Variants in CSMD1 observed in about 807,000 individuals in gnomAD.
CSMD1 encodes the protein CUB and Sushi multiple domains 1, also known as CUB and sushi domain-containing protein 1.
In CSMD1, 213 loss-of-function variants were observed where a neutral mutation model predicts 417.5. That is an observed-to-expected ratio of 0.51 (90% CI 0.46 to 0.57). The LOEUF (loss-of-function observed/expected upper bound fraction) is 0.57, where lower values mean the gene tolerates loss of function less well. CSMD1 is among the 20% of genes least tolerant of loss of function. CSMD1 has a pLI of 0.00. For synonymous variants in CSMD1, 2,862 were observed against 1,736.8 expected, an observed-to-expected ratio of 1.65 and a Z score of -16.11; for missense variants, 6,923 against 4,529.7, an observed-to-expected ratio of 1.53 and a Z score of -15.17.
At chr8:4,178,333 A>G (rs1467898549) in intron 3 of CSMD1, among the ~76,000 whole-genome samples, 2 of 151,648 alleles carry the variant, frequency 1.3e-5, no homozygotes, top group African/African-American at 2.4e-5. Context: ...CAAAAACCAC[A>G]TGATTATCTC....
chr8:4,083,300 C>G (rs564825557), intron 3 of CSMD1, among the ~76,000 whole-genome samples: 8 of 151,958 alleles, frequency 5.3e-5, no homozygotes, highest in African/African-American at 1.4e-4. Flanking sequence ...TTTTAATGAT[C>G]GCCATTCTAA....
chr8:4,262,610 G>C (rs1011674927), intron 3 of CSMD1, among the ~76,000 whole-genome samples: 28 of 152,156 alleles, frequency 1.8e-4, no homozygotes, highest in Non-Finnish European at 3.2e-4. Flanking sequence ...CAGGACCCTG[G>C]AGCTTCAAAC....
chr8:3,698,746 A>C (rs2623587), intron 7 of CSMD1, among the ~76,000 whole-genome samples: 21,076 of 152,256 alleles, frequency 0.14, 1,827 homozygotes, highest in African/African-American at 0.25. Context: ...GATCATGTTC[A>C]TTACTGAAGA....
intron 3 of CSMD1, among the ~76,000 whole-genome samples, chr8:4,366,717 T>G (rs889949792): frequency 6.6e-6 from 1 of 152,070 alleles, no homozygotes; most frequent in Non-Finnish European, 1.5e-5. Flanking sequence ...ATTTTATTAT[T>G]ATTATTAGAC....
At position 4,788,381 on chromosome 8, in the gene CSMD1, G is replaced by A. The variant is rs901870805; in HGVS notation, c.86-150823C>T. ...CCTGTCCTCCCCTCACACCAGACTG[G>A]GGAGCTCAGGATGTGTGGTCTTCTC... is the stretch of plus-strand genomic sequence containing the variant. On this transcript the variant is annotated intron_variant, in intron 1 of 69. Transcript: ENST00000635120. 2.2e-5 allele frequency: 32 copies of A among 1,425,456 alleles called. No individual in the cohort carries two copies. In the Admixed American group the frequency reaches 5.2e-4, roughly 23 times the overall value. 88.3% of individuals were successfully genotyped at this position (1,425,456 alleles called of 1,614,324 possible).
chr8:4,406,231 C>T (rs1387232410), intron 3 of CSMD1, among the ~76,000 whole-genome samples: 1 of 151,988 alleles, frequency 6.6e-6, no homozygotes, highest in Non-Finnish European at 1.5e-5. Flanking sequence ...AAAGTCCCCC[C>T]AAATGGTGCA....
chr8:4,165,389 G>C (rs536800186), intron 3 of CSMD1, among the ~76,000 whole-genome samples: 5 of 152,230 alleles, frequency 3.3e-5, no homozygotes, highest in Admixed American at 2.0e-4. Context: ...TAAAAGATGT[G>C]CCATTTGTAG....
At chr8:3,272,831 G>A (rs1801966914) in intron 26 of CSMD1, among the ~76,000 whole-genome samples, 1 of 150,508 alleles carries the variant, frequency 6.6e-6, no homozygotes, top group Non-Finnish European at 1.5e-5. Flanking sequence ...GAGATTTTGG[G>A]CTGAGACAGT....
intron 3 of CSMD1, among the ~76,000 whole-genome samples, chr8:4,303,222 C>G (rs534678906): frequency 4.0e-4 from 61 of 152,144 alleles, no homozygotes; most frequent in Non-Finnish European, 8.4e-4. Flanking sequence ...ACAGAGGCAT[C>G]ATCTATTTCA....
At chr8:3,690,127 G>A (rs1563275966) in intron 7 of CSMD1, among the ~76,000 whole-genome samples, 2 of 152,192 alleles carry the variant, frequency 1.3e-5, no homozygotes, top group African/African-American at 4.8e-5. Flanking sequence ...AGGAGGCTGA[G>A]ACCGGAGGAT....
intron 11 of CSMD1, among the ~76,000 whole-genome samples, chr8:3,483,613 A>G (rs1179644852): frequency 6.6e-6 from 1 of 152,168 alleles, no homozygotes; most frequent in Non-Finnish European, 1.5e-5. Flanking sequence ...AAAATATTTT[A>G]TAGCCATTAT....
intron 3 of CSMD1, among the ~76,000 whole-genome samples, chr8:4,262,435 T>C (rs1803953050): frequency 6.6e-6 from 1 of 152,232 alleles, no homozygotes; most frequent in Admixed American, 6.5e-5. Context: ...GAACATCCTT[T>C]CATGTTCCCC....
At chr8:3,203,597 C>T (rs958658993) in intron 31 of CSMD1, among the ~76,000 whole-genome samples, 1 of 152,112 alleles carries the variant, frequency 6.6e-6, no homozygotes, top group Non-Finnish European at 1.5e-5. Context: ...TAGTCAACTT[C>T]AGCTAACACT....
intron 1 of CSMD1, among the ~76,000 whole-genome samples, chr8:4,948,047 G>A (rs866628193): frequency 6.6e-6 from 1 of 151,900 alleles, no homozygotes; most frequent in Non-Finnish European, 1.5e-5. Flanking sequence ...CTGTAGGAAT[G>A]TAGATACCAT....
intron 3 of CSMD1, among the ~76,000 whole-genome samples, chr8:4,280,866 A>G (rs1177820470): frequency 6.6e-6 from 1 of 152,260 alleles, no homozygotes; most frequent in Admixed American, 6.5e-5. Flanking sequence ...CTGTAAACAT[A>G]CAGCATTAGA....
chr8:4,443,655 T>C (rs1554479281), intron 2 of CSMD1, among the ~76,000 whole-genome samples: 3 of 152,166 alleles, frequency 2.0e-5, no homozygotes, highest in Non-Finnish European at 4.4e-5. Flanking sequence ...TGACGTGCAG[T>C]TAAAGAAATA....
intron 27 of CSMD1, among the ~76,000 whole-genome samples, chr8:3,226,974 C>A (rs1215917732): frequency 6.6e-6 from 1 of 151,784 alleles, no homozygotes; most frequent in Non-Finnish European, 1.5e-5. Flanking sequence ...ATTTAAAATG[C>A]CAATTAAAAC....
At chr8:4,386,300 A>T (rs910884949) in intron 3 of CSMD1, among the ~76,000 whole-genome samples, 16 of 151,984 alleles carry the variant, frequency 1.1e-4, no homozygotes, top group African/African-American at 3.4e-4. Context: ...CTCAAACAAA[A>T]CACACTATCA....
chr8:3,954,652 G>A (rs1263766406), intron 5 of CSMD1, among the ~76,000 whole-genome samples: 7 of 152,178 alleles, frequency 4.6e-5, no homozygotes, highest in Admixed American at 1.3e-4. Context: ...GTGAGCCACC[G>A]CACCTGGCCG....
Sources: allele counts gnomAD v4.1 joint callset (sites outside exome capture counted in the v4.1 genomes callset), GRCh38; gene constraint gnomAD v4.1.1; transcripts MANE v1.5; gene names NCBI Gene and HGNC (gene_info 2026-07-23, HGNC 2026-07-21).